The following EPS15 variants were observed in gnomAD, a reference collection of about 807,000 sequenced individuals.
EPS15 encodes epidermal growth factor receptor pathway substrate 15.
EPS15 carries 72 observed loss-of-function variants against 113.8 expected under a neutral mutation model. That is an observed-to-expected ratio of 0.63 (90% CI 0.52 to 0.77). The LOEUF is 0.77. Ranked by LOEUF, EPS15 falls within the 30% of genes least tolerant of loss-of-function variation. The probability of loss-of-function intolerance (pLI) is 0.00; values close to 1 mark genes in which losing one functional copy is unlikely to be tolerated. For missense variants in EPS15, 1,048 were observed against 1,045.8 expected (o/e 1.00, Z -0.03); for synonymous variants, 344 against 363.4 (o/e 0.95, Z 0.61).
At position 51,443,781 on chromosome 1, in the gene EPS15, T is replaced by G. The variant is rs1025636031; in HGVS notation, c.954+1108A>C. ...GATCCTCCTGCCTCAGCCTCCCGAG[T>G]AGCTAGAACTACAGGTACACGCCAA... On this transcript the variant is annotated intron_variant, in intron 11 of 24. Transcript: ENST00000371733. Among the ~76,000 whole-genome samples the G allele has an allele frequency of 2.0e-5, 3 of 151,802 alleles. No individual in the cohort carries two copies. In the East Asian group the frequency reaches 5.8e-4, roughly 29 times the overall value.
At chr1:51,474,914 G>A (rs1240682368) in intron 2 of EPS15, among the ~76,000 whole-genome samples, 1 of 142,514 alleles carries the variant, frequency 7.0e-6, no homozygotes, top group Admixed American at 7.8e-5. Context: ...TCCCACCTAT[G>A]AGTGAGAACA....
At chr1:51,514,870 C>A (rs908187555) in intron 1 of EPS15, among the ~76,000 whole-genome samples, 4 of 152,062 alleles carry the variant, frequency 2.6e-5, no homozygotes, top group Admixed American at 2.0e-4. Context: ...TAATTATAGG[C>A]AATAAAGAAA....
chr1:51,406,330 G>A (rs1309666969), intron 15 of EPS15, among the ~76,000 whole-genome samples: 1 of 152,066 alleles, frequency 6.6e-6, no homozygotes, highest in Admixed American at 6.6e-5. Flanking sequence ...ATAAAAATTA[G>A]CTGGGCATGA....
intron 21 of EPS15, among the ~76,000 whole-genome samples, chr1:51,384,074 A>G (rs557259020): frequency 7.8e-4 from 119 of 152,316 alleles, no homozygotes; most frequent in South Asian, 3.7e-3. Flanking sequence ...GAAAGAAATT[A>G]AAGACACAAA....
In EPS15 at chr1:51,461,102, C is replaced by G; in HGVS notation, c.550G>C (p.Glu184Gln). The G allele has an allele frequency of 6.3e-7, 1 of 1,597,414 alleles. No individual in the cohort carries two copies. The highest frequency in any genetic ancestry group is 8.6e-7 in the Non-Finnish European group (1 of 1,164,854). Residue 184 changes from glutamate to glutamine, a missense_variant, in exon 8 of 25, where the codon GAG becomes CAG. Coordinates refer to ENST00000371733, the MANE Select transcript of EPS15 (RefSeq NM_001981.3). ...ATTAGATTACTTACAACTGCAAACT[C>G]ATCTCTGTCAAGCATTCCATCATGG... is the stretch of plus-strand genomic sequence containing the variant. Reference protein sequence around the residue: ...IDHDGMLDRDEFAVAMFLVYC... With the variant: ...IDHDGMLDRDQFAVAMFLVYC...
intron 4 of EPS15, among the ~76,000 whole-genome samples, chr1:51,471,458 CTGAAAGACAGAAAAA>C (rs1655232702): frequency 1.3e-5 from 2 of 152,158 alleles, no homozygotes. Flanking sequence ...CAAAGTCTCT[CTGAAAGACAGAAAAA>C]TAAACTCCAG....
At chr1:51,358,484 T>A (rs1157787947) in intron 24 of EPS15, among the ~76,000 whole-genome samples, 1 of 152,192 alleles carries the variant, frequency 6.6e-6, no homozygotes, top group Non-Finnish European at 1.5e-5. Flanking sequence ...AAATCCTTCA[T>A]GAAAGGATGA....
At chr1:51,406,583 A>T (rs901499190) in intron 15 of EPS15, among the ~76,000 whole-genome samples, 3 of 152,244 alleles carry the variant, frequency 2.0e-5, no homozygotes, top group Non-Finnish European at 4.4e-5. Context: ...AAGATTCAGT[A>T]ATTTCTGACA....
In EPS15 at chr1:51,399,138, C is replaced by T; in HGVS notation, c.1946G>A (p.Gly649Asp). Residue 649 changes from glycine to aspartate, a missense_variant, in exon 20 of 25, where the codon GGT becomes GAT. Transcript: ENST00000371733. ...IDPFGGDPFK[G>D]SDPFASDCFF... ...ACAGTCTGATGCAAATGGATCTGAACCTTTGAAAGGATCACCACCAAATGG... is the reference window on the plus strand; with the variant it reads ...ACAGTCTGATGCAAATGGATCTGAATCTTTGAAAGGATCACCACCAAATGG... 2 of 1,613,926 alleles carry T rather than the reference C, an allele frequency of 1.2e-6. No homozygotes were observed. The highest frequency in any genetic ancestry group is 2.2e-5 in the South Asian group (2 of 91,062).
intron 24 of EPS15, among the ~76,000 whole-genome samples, chr1:51,358,992 C>A (rs554749218): frequency 1.3e-3 from 200 of 152,050 alleles, no homozygotes; most frequent in African/African-American, 4.7e-3. Context: ...GTGTGAGCCA[C>A]CCCGTCTGGC....
chr1:51,389,032 C>A (rs930625687), intron 21 of EPS15, among the ~76,000 whole-genome samples: 1 of 152,172 alleles, frequency 6.6e-6, no homozygotes, highest in Non-Finnish European at 1.5e-5. Context: ...GAATTTTAGA[C>A]CAATATCCTT....
intron 7 of EPS15, among the ~76,000 whole-genome samples, chr1:51,462,386 A>G (rs148516140): frequency 0.032 from 4,838 of 151,146 alleles, 125 homozygotes; most frequent in Non-Finnish European, 0.05. Context: ...AAAAAAAAAG[A>G]AAGGGCAAGA....
chr1:51,493,758 A>T (rs1644282715), intron 1 of EPS15, among the ~76,000 whole-genome samples: 1 of 150,838 alleles, frequency 6.6e-6, no homozygotes, highest in African/African-American at 2.4e-5. Context: ...AGCTGGGATT[A>T]CAGGCGTCAC....
intron 21 of EPS15, among the ~76,000 whole-genome samples, chr1:51,377,859 A>T (rs1461520909): frequency 6.6e-6 from 1 of 152,020 alleles, no homozygotes; most frequent in Non-Finnish European, 1.5e-5. Flanking sequence ...ACCACCAAGA[A>T]GATTACAATT....
At chr1:51,473,868 C>A (rs1384112680) in intron 2 of EPS15, among the ~76,000 whole-genome samples, 2 of 152,048 alleles carry the variant, frequency 1.3e-5, no homozygotes, top group African/African-American at 4.8e-5. Flanking sequence ...TGGGAAAAAT[C>A]ATGCACTCAG....
Position 51,500,627 on chromosome 1 carries a change from T to C in EPS15, c.33+18572A>G, listed in dbSNP as rs993895117. Among the ~76,000 whole-genome samples the C allele has an allele frequency of 3.3e-5, 5 of 152,212 alleles. 1 individual carries two copies. In the South Asian group the frequency reaches 1.0e-3, roughly 32 times the overall value. ...ACCTCCCAAGCTCAAGCAATCCTCC[T>C]GCCTCAGCCTCCCAAGTAGCTGCAC... On this transcript the variant is annotated intron_variant, in intron 1 of 24. Coordinates refer to ENST00000371733, the MANE Select transcript of EPS15 (RefSeq NM_001981.3).
chr1:51,471,628 T>G, intron 4 of EPS15, 62 bp downstream of exon 4: 1 of 1,307,644 alleles, frequency 7.6e-7, no homozygotes, highest in Non-Finnish European at 1.1e-6. Flanking sequence ...AAGAAAACCC[T>G]GCTGGCTATT....
chr1:51,372,470 T>C, intron 21 of EPS15: 2 of 533,946 alleles, frequency 3.7e-6, no homozygotes, highest in South Asian at 2.8e-5. Context: ...CTGTCTGGTT[T>C]TTAGACCATG....
chr1:51,471,629 G>A (rs1003710107), intron 4 of EPS15, 61 bp downstream of exon 4: 158 of 1,308,388 alleles, frequency 1.2e-4, no homozygotes, highest in Admixed American at 3.1e-4. Flanking sequence ...AGAAAACCCT[G>A]CTGGCTATTT....
Sources: allele counts gnomAD v4.1 joint callset (sites outside exome capture counted in the v4.1 genomes callset), GRCh38; gene constraint gnomAD v4.1.1; transcripts MANE v1.5; gene names NCBI Gene and HGNC (gene_info 2026-07-23, HGNC 2026-07-21).